Variants in MDGA2 observed in about 807,000 individuals in gnomAD.
MDGA2 encodes the protein MAM domain-containing glycosylphosphatidylinositol anchor protein 2.
In MDGA2, 40 loss-of-function variants were observed where a neutral mutation model predicts 117.8. The observed-to-expected ratio is 0.34, with a 90% CI of 0.26 to 0.44. The LOEUF (loss-of-function observed/expected upper bound fraction) is 0.44. Among genes scored for constraint, MDGA2 ranks in the 20% least tolerant of loss-of-function variants. The pLI is 1.00. For synonymous variants in MDGA2, 452 were observed against 439.0 expected, an observed-to-expected ratio of 1.03 and a Z score of -0.37; for missense variants, 1,123 against 1,250.6, an observed-to-expected ratio of 0.90 and a Z score of 1.54.
intron 1 of MDGA2, among the ~76,000 whole-genome samples, chr14:47,455,597 A>G (rs538021743): frequency 6.6e-5 from 10 of 152,298 alleles, no homozygotes; most frequent in Non-Finnish European, 1.0e-4. Context: ...ACAAAAAATG[A>G]CTTACCAAGT....
At position 47,014,316 on chromosome 14, in the gene MDGA2, G is replaced by A. The variant is rs192894410; in HGVS notation, c.1819+20695C>T. Among the ~76,000 whole-genome samples, 17 of 152,254 alleles carry A rather than the reference G, an allele frequency of 1.1e-4. No individual in the cohort carries two copies. In the East Asian group the frequency reaches 3.3e-3, roughly 30 times the overall value. The stretch of plus-strand genomic sequence containing the variant: ...CCCTTGGATTTTTGAAATGGCAAAT[G>A]AGCATTGGCTTCAACTTAAATGCAC... On this transcript the variant is annotated intron_variant, in intron 8 of 16. Transcript: ENST00000399232.
intron 6 of MDGA2, among the ~76,000 whole-genome samples, chr14:47,094,721 T>C (rs1229717780): frequency 6.6e-6 from 1 of 152,024 alleles, no homozygotes; most frequent in Admixed American, 6.6e-5. Context: ...TCATCATACT[T>C]CAATACTTTA....
intron 1 of MDGA2, among the ~76,000 whole-genome samples, chr14:47,451,644 C>A (rs963102387): frequency 2.0e-5 from 3 of 152,084 alleles, no homozygotes; most frequent in African/African-American, 7.2e-5. Flanking sequence ...GTTTTAGTCA[C>A]AAGATTTCTC....
At chr14:47,003,844 T>G (rs1887619672) in intron 8 of MDGA2, among the ~76,000 whole-genome samples, 1 of 151,976 alleles carries the variant, frequency 6.6e-6, no homozygotes, top group South Asian at 2.1e-4. Context: ...ATTTAAGAAA[T>G]TATGAAATCA....
chr14:47,403,472 T>A (rs1566771018), intron 1 of MDGA2, among the ~76,000 whole-genome samples: 1 of 145,860 alleles, frequency 6.9e-6, no homozygotes, highest in African/African-American at 2.5e-5. Flanking sequence ...TCCCTCTCTA[T>A]TTTCTGCCTG....
intron 9 of MDGA2, among the ~76,000 whole-genome samples, chr14:46,953,391 A>C (rs920438648): frequency 6.6e-6 from 1 of 151,850 alleles, no homozygotes; most frequent in African/African-American, 2.4e-5. Flanking sequence ...AAAATTCCTA[A>C]ATATTTTACA....
intron 1 of MDGA2, among the ~76,000 whole-genome samples, chr14:47,543,551 G>A (rs1260167866): frequency 2.0e-5 from 3 of 152,186 alleles, no homozygotes; most frequent in East Asian, 1.9e-4. Flanking sequence ...TATAACTTCT[G>A]AGCAGATGAC....
At chr14:47,643,635 A>G (rs1443722856) in intron 1 of MDGA2, among the ~76,000 whole-genome samples, 2 of 152,166 alleles carry the variant, frequency 1.3e-5, no homozygotes, top group Non-Finnish European at 2.9e-5. Context: ...ACAGTTCTTA[A>G]TCTCTTCTTA....
At chr14:46,867,308 C>T (rs935876774) in intron 14 of MDGA2, among the ~76,000 whole-genome samples, 17 of 151,920 alleles carry the variant, frequency 1.1e-4, no homozygotes, top group East Asian at 1.9e-4. Flanking sequence ...AACCAAACAC[C>T]GCATATTCTC....
At chr14:47,469,174 T>A (rs4898571) in intron 1 of MDGA2, among the ~76,000 whole-genome samples, 112,964 of 151,792 alleles carry the variant, frequency 0.74, 42,547 homozygotes, top group East Asian at 1. Flanking sequence ...TTTTTATTAT[T>A]CTTTAAGTTT....
chr14:46,862,995 T>C (rs1881573372), intron 14 of MDGA2, among the ~76,000 whole-genome samples: 2 of 152,044 alleles, frequency 1.3e-5, no homozygotes, highest in African/African-American at 4.8e-5. Context: ...GTCCAAAATG[T>C]TTTTAAATTA....
intron 1 of MDGA2, among the ~76,000 whole-genome samples, chr14:47,485,831 A>G (rs916123236): frequency 6.6e-6 from 1 of 152,204 alleles, no homozygotes; most frequent in Admixed American, 6.5e-5. Context: ...CACAGAAGTC[A>G]AAAATTTGGG....
intron 1 of MDGA2, among the ~76,000 whole-genome samples, chr14:47,557,012 T>G (rs1190806367): frequency 1.3e-5 from 2 of 152,208 alleles, no homozygotes; most frequent in Admixed American, 6.5e-5. Context: ...CCACACTCTC[T>G]GACACTAGCC....
At chr14:47,032,530 T>G (rs1354260452) in intron 8 of MDGA2, among the ~76,000 whole-genome samples, 1 of 152,142 alleles carries the variant, frequency 6.6e-6, no homozygotes, top group Non-Finnish European at 1.5e-5. Context: ...TGAACAAAGC[T>G]GCAGTAAGCT....
chr14:47,261,915 T>C (rs1015037745), intron 2 of MDGA2, among the ~76,000 whole-genome samples: 1 of 152,104 alleles, frequency 6.6e-6, no homozygotes, highest in Non-Finnish European at 1.5e-5. Flanking sequence ...GGGGGACTCA[T>C]TGGTCTTTGA....
intron 9 of MDGA2, among the ~76,000 whole-genome samples, chr14:46,927,514 T>C (rs1056074533): frequency 3.9e-5 from 6 of 152,176 alleles, no homozygotes; most frequent in African/African-American, 1.4e-4. Flanking sequence ...ATTAATAGTT[T>C]GTTCAACAGT....
intron 7 of MDGA2, among the ~76,000 whole-genome samples, chr14:47,055,600 GTGAGT>G (rs1247796311): frequency 6.6e-6 from 1 of 152,136 alleles, no homozygotes; most frequent in Non-Finnish European, 1.5e-5. Flanking sequence ...ACGGTTACAT[GTGAGT>G]TTAATTTGCT....
intron 8 of MDGA2, among the ~76,000 whole-genome samples, chr14:46,989,984 G>A (rs1887022714): frequency 6.6e-6 from 1 of 151,970 alleles, no homozygotes. Context: ...CAAAGTATTT[G>A]CTTTTGTCTT....
chr14:47,644,058 T>C (rs1433170053), intron 1 of MDGA2, among the ~76,000 whole-genome samples: 1 of 152,172 alleles, frequency 6.6e-6, no homozygotes, highest in Non-Finnish European at 1.5e-5. Flanking sequence ...TCTATACGCC[T>C]ACTGTAAGAT....
Sources: gnomAD v4.1 joint callset for allele counts (sites outside exome capture counted in the v4.1 genomes callset) on GRCh38, gnomAD v4.1.1 for gene constraint, MANE v1.5 for transcripts, NCBI Gene and HGNC (gene_info 2026-07-23, HGNC 2026-07-21) for gene names.